Variants in GHRHR observed in about 807,000 individuals in gnomAD.
The protein encoded by GHRHR is growth hormone releasing hormone receptor, also known as growth hormone-releasing hormone receptor.
GHRHR carries 40 observed loss-of-function variants against 58.3 expected under a neutral mutation model. That is an observed-to-expected ratio of 0.69 (90% confidence interval 0.53 to 0.89). The LOEUF is 0.89. Ranked by LOEUF, GHRHR falls within the 40% of genes least tolerant of loss-of-function variation. The probability of loss-of-function intolerance (pLI) is 0.00; values close to 1 mark genes in which losing one functional copy is unlikely to be tolerated. For missense variants in GHRHR, 551 were observed against 541.3 expected (o/e 1.02, Z -0.18); for synonymous variants, 249 against 216.6 (o/e 1.15, Z -1.31).
chr7:30,967,352 C>T (rs995612532), intron 1 of GHRHR, among the ~76,000 whole-genome samples: 1 of 152,206 alleles, frequency 6.6e-6, no homozygotes, highest in Non-Finnish European at 1.5e-5. Flanking sequence ...GTTCTTGAGG[C>T]ACACTTTCAG....
intron 1 of GHRHR, among the ~76,000 whole-genome samples, chr7:30,965,455 C>T (rs66827734): frequency 0.014 from 2,115 of 152,250 alleles, 30 homozygotes; most frequent in South Asian, 0.044. Context: ...GGATGTGTTT[C>T]GCCAGTCCTA....
At position 30,974,463 on chromosome 7, in the gene GHRHR, C is replaced by G. The variant is rs762086691; in HGVS notation, c.786C>G (p.Ser262Arg). 1 of 1,613,168 alleles carries G rather than the reference C, an allele frequency of 6.2e-7. No homozygotes were observed. The highest frequency in any genetic ancestry group is 1.1e-5 in the South Asian group (1 of 91,076). ...LPVLFTGTWVSCKLAFEDIAC... is the reference protein window; with the variant it reads ...LPVLFTGTWVRCKLAFEDIAC... ...TGCTCTTCACTGGCACGTGGGTGAGCTGCAAACTGGCCTTCGAGGACATCG... is the reference window on the plus strand; with the variant it reads ...TGCTCTTCACTGGCACGTGGGTGAGGTGCAAACTGGCCTTCGAGGACATCG... Residue 262 changes from serine to arginine, a missense_variant, in exon 8 of 13, where the codon AGC becomes AGG. Ser to Arg is a moderately radical substitution (Grantham distance 110). Coordinates refer to ENST00000326139, the MANE Select transcript of GHRHR (RefSeq NM_000823.4).
At chr7:30,972,199 C>G in intron 6 of GHRHR, 104 bp downstream of exon 6, 2 of 1,286,646 alleles carry the variant, frequency 1.6e-6, no homozygotes, top group Non-Finnish European at 1.1e-6. Context: ...TGGGCTGACC[C>G]TGGGGCTCCC....
At chr7:30,965,174 A>G (rs1231516135) in intron 1 of GHRHR, among the ~76,000 whole-genome samples, 1 of 152,142 alleles carries the variant, frequency 6.6e-6, no homozygotes, top group Non-Finnish European at 1.5e-5. Context: ...GGAAACTTCG[A>G]CTGCCCCCCT....
chr7:30,974,015 C>G lies in GHRHR; in HGVS notation c.628C>G (p.His210Asp). ...VLCKVSVAAS[H>D]FATMTNFSWL... ...ATGCAAGGTCTCTGTGGCCGCCTCCCATTTCGCCACCATGACCAACTTCAG... is the reference window on the plus strand; with the variant it reads ...ATGCAAGGTCTCTGTGGCCGCCTCCGATTTCGCCACCATGACCAACTTCAG... Residue 210 changes from histidine to aspartate, a missense_variant, in exon 7 of 13, where the codon CAT becomes GAT. His to Asp is a moderately conservative substitution (Grantham distance 81). Coordinates refer to ENST00000326139, the MANE Select transcript of GHRHR (RefSeq NM_000823.4). 6.2e-7 allele frequency: 1 copy of G among 1,613,970 alleles called. No individual in the cohort carries two copies. The highest frequency in any genetic ancestry group is 1.1e-5 in the South Asian group (1 of 91,064).
At chr7:30,974,408 G>T (rs771259484) in intron 7 of GHRHR, 21 bp from the exon 8 acceptor site, 1 of 1,583,032 alleles carries the variant, frequency 6.3e-7, no homozygotes, top group Non-Finnish European at 8.7e-7. Context: ...CCTCGCTTGT[G>T]TCTTCCCTGT....
chr7:30,967,922 C>A (rs1792391619), intron 1 of GHRHR, among the ~76,000 whole-genome samples: 1 of 152,224 alleles, frequency 6.6e-6, no homozygotes, highest in Non-Finnish European at 1.5e-5. Context: ...ATTGGCAGAG[C>A]TGCATTCCTC....
At chr7:30,974,888 G>C (rs1448801846) in intron 8 of GHRHR, 83 bp from the exon 9 acceptor site, 3 of 889,836 alleles carry the variant, frequency 3.4e-6, no homozygotes, top group South Asian at 1.3e-5. Context: ...AGACCAGAAG[G>C]CATGAATGCC....
chr7:30,973,752 G>T (rs1183962053), intron 6 of GHRHR, among the ~76,000 whole-genome samples: 2 of 152,180 alleles, frequency 1.3e-5, no homozygotes, highest in Non-Finnish European at 2.9e-5. Context: ...GGTGTGAGGA[G>T]ATTTGCACAG....
rs28371561 is a variant in GHRHR at position 30,979,185 on chromosome 7, C to A, written c.1213C>A (p.Arg405Ser). The change falls in exon 13 of 13, where the codon CGT (arginine) becomes AGT (serine). Residue 405 changes from arginine (R) to serine (S), a missense_variant. Physicochemically the swap from Arg to Ser is moderately radical, Grantham distance 110 (BLOSUM62 -1). Transcript: ENST00000326139. ...TGAGCTTCTGCCAGCCTGGAGGACCCGTGCTAAGTGGACCACGCCTTCCCG... is the reference window on the plus strand; with the variant it reads ...TGAGCTTCTGCCAGCCTGGAGGACCAGTGCTAAGTGGACCACGCCTTCCCG... Reference protein sequence around the residue: ...DPELLPAWRTRAKWTTPSRSA... With the variant: ...DPELLPAWRTSAKWTTPSRSA... 4 of 1,613,720 alleles carry A rather than the reference C, an allele frequency of 2.5e-6. No homozygotes were observed. The African/African-American group carries it at 5.3e-5, about 22-fold the overall frequency.
chr7:30,975,824 AC>A lies in GHRHR; in HGVS notation c.931del (p.Leu311TrpfsTer24). On this transcript the variant is annotated frameshift_variant, in exon 10 of 13. Transcript: ENST00000326139. LOFTEE classifies it high-confidence loss of function. ...LNIIRILVRK[L>X]EPAQGSLHTQ... is the part of the protein sequence containing the mutation. The stretch of plus-strand genomic sequence containing the variant: ...ATATTATCCGCATCCTGGTGAGGAA[AC>A]TGGAGCCAGCTCAGGGCAGCCTCCA... 1 of 1,612,656 alleles carries A rather than the reference AC, an allele frequency of 6.2e-7. No homozygotes were observed. The highest frequency in any genetic ancestry group is 8.5e-7 in the Non-Finnish European group (1 of 1,178,652).
chr7:30,976,930 A>T (rs1420930557), intron 11 of GHRHR, among the ~76,000 whole-genome samples: 1 of 106,122 alleles, frequency 9.4e-6, no homozygotes, highest in Non-Finnish European at 1.8e-5. Context: ...CCATCCACCC[A>T]CCCACTCATC....
intron 11 of GHRHR, among the ~76,000 whole-genome samples, 184 bp downstream of exon 11, chr7:30,976,742 T>TTCCA (rs916372072): frequency 7.2e-5 from 11 of 152,040 alleles, no homozygotes; most frequent in South Asian, 2.1e-4. Context: ...CCATGCATTC[T>TTCCA]TCCATCCATC....
intron 1 of GHRHR, among the ~76,000 whole-genome samples, chr7:30,966,720 G>A (rs1003526713): frequency 6.6e-6 from 1 of 151,826 alleles, no homozygotes; most frequent in Non-Finnish European, 1.5e-5. Context: ...TCAGCTCACT[G>A]TAACCTCCGC....
chr7:30,970,959 G>A lies in GHRHR; in HGVS notation c.367-160G>A, dbSNP rs964762473. 7.3e-6 allele frequency: 5 copies of A among 687,812 alleles called. No individual in the cohort carries two copies. In the African/African-American group the frequency reaches 8.8e-5, roughly 12 times the overall value. The allele number at this position is 687,812 out of a possible 1,614,324, so 42.6% of individuals were successfully genotyped here. On this transcript the variant is annotated intron_variant, in intron 4 of 12. Transcript: ENST00000326139. The stretch of plus-strand genomic sequence containing the variant: ...AGGCAGGCTGTAAACTAAAGCTCCA[G>A]TGCACAGGGGGAGCTTTCCATGGTA...
In GHRHR at chr7:30,975,194, C is replaced by T. The variant is rs184863350; in HGVS notation, c.882+154C>T. On this transcript the variant is annotated intron_variant, in intron 9 of 12. Coordinates refer to ENST00000326139, the MANE Select transcript of GHRHR (RefSeq NM_000823.4). ...CCACTGATTCTCTGTGAGGCCCTCT[C>T]TGGGCCTCAGTATCCCATTGGTAAA... Among the ~76,000 whole-genome samples, 592 of 152,284 alleles carry T rather than the reference C, an allele frequency of 3.9e-3. 5 individuals carry two copies. Among genetic ancestry groups the T allele is most frequent in the African/African-American group, 0.013 (558 of 41,550 alleles).
At position 30,979,469 on chromosome 7, in the gene GHRHR, C is replaced by G. The variant is rs561615897; in HGVS notation, c.*225C>G. On this transcript the variant is annotated 3_prime_UTR_variant, in exon 13 of 13. Coordinates refer to ENST00000326139, the MANE Select transcript of GHRHR (RefSeq NM_000823.4). Reference sequence around the variant, plus strand: ...TCTGTGTCTGCTCTCATCCATTCCTCTTACTGGGGCCTGGGGCTCTAGCCC... The same window carrying G: ...TCTGTGTCTGCTCTCATCCATTCCTGTTACTGGGGCCTGGGGCTCTAGCCC... 3.8e-6 allele frequency: 2 copies of G among 521,252 alleles called. No homozygotes were observed. The allele number at this position is 521,252 out of a possible 1,614,324, so 32.3% of individuals were successfully genotyped here. A position where few individuals can be genotyped will look rare whatever the true frequency, so the allele number is the denominator to read the frequency against.
chr7:30,971,966 G>A lies in GHRHR; in HGVS notation c.468G>A (p.Arg156=). ...VAITILVALR[R]LHCPRNYVHT... ...TCATTTCTCCCATTACCCCCAGGAG[G>A]CTCCACTGCCCCCGGAACTACGTCC... The change falls in exon 6 of 13, where the codon AGG becomes AGA. Residue 156 remains arginine, a synonymous_variant. Transcript: ENST00000326139. The A allele has an allele frequency of 1.2e-6, 2 of 1,613,836 alleles. No individual in the cohort carries two copies. The highest frequency in any genetic ancestry group is 1.7e-6 in the Non-Finnish European group (2 of 1,179,890).
rs1198172942 is a variant in GHRHR at position 30,977,318 on chromosome 7, A to C, written c.1142A>C (p.Gln381Pro). 6.2e-7 allele frequency: 1 copy of C among 1,613,574 alleles called. No homozygotes were observed. The highest frequency in any genetic ancestry group is 8.5e-7 in the Non-Finnish European group (1 of 1,179,742). ...IVAILYCFLN[Q>P]EVRTEISRKW... ...GCCATCCTCTACTGCTTCCTCAACC[A>C]AGAGGTGTGTGATTTTTGAGGCTAT... is the stretch of plus-strand genomic sequence containing the variant. Residue 381 changes from glutamine to proline, a missense_variant, in exon 12 of 13, where the codon CAA becomes CCA. Physicochemically the swap from Gln to Pro is moderately conservative, Grantham distance 76. Coordinates refer to ENST00000326139, the MANE Select transcript of GHRHR (RefSeq NM_000823.4).
Sources: gnomAD v4.1 joint callset for allele counts (sites outside exome capture counted in the v4.1 genomes callset) on GRCh38, gnomAD v4.1.1 for gene constraint, MANE v1.5 for transcripts, NCBI Gene and HGNC (gene_info 2026-07-23, HGNC 2026-07-21) for gene names.